The following LHFPL6 variants were observed in gnomAD, a reference collection of about 807,000 sequenced individuals.
LHFPL6 encodes LHFPL tetraspan subfamily member 6 protein.
A neutral mutation model predicts 20.6 loss-of-function variants in LHFPL6; 9 were observed. The observed-to-expected ratio is 0.44, with a 90% confidence interval of 0.26 to 0.76. The LOEUF is 0.76. LHFPL6 is among the 30% of genes least tolerant of loss of function. LHFPL6 has a pLI of 0.20. For synonymous variants in LHFPL6, 105 were observed against 98.7 expected (o/e 1.06, Z -0.38); for missense variants, 218 against 253.5 (o/e 0.86, Z 0.95).
chr13:39,532,700 C>T (rs1870501793), intron 2 of LHFPL6, among the ~76,000 whole-genome samples: 1 of 152,048 alleles, frequency 6.6e-6, no homozygotes, highest in African/African-American at 2.4e-5. Flanking sequence ...TAGTAAAATA[C>T]AATATAATTG....
chr13:39,503,648 A>G (rs1484264430), intron 2 of LHFPL6, among the ~76,000 whole-genome samples: 2 of 152,210 alleles, frequency 1.3e-5, no homozygotes, highest in African/African-American at 4.8e-5. Context: ...TAGGTGCTCA[A>G]TATTTGTTGA....
At chr13:39,407,212 A>T (rs1336423013) in intron 2 of LHFPL6, among the ~76,000 whole-genome samples, 1 of 152,084 alleles carries the variant, frequency 6.6e-6, no homozygotes, top group African/African-American at 2.4e-5. Flanking sequence ...CTGCCCATTT[A>T]AAAAAAATTC....
chr13:39,391,832 C>T (rs1207220291), intron 2 of LHFPL6, among the ~76,000 whole-genome samples: 1 of 152,104 alleles, frequency 6.6e-6, no homozygotes, highest in Non-Finnish European at 1.5e-5. Flanking sequence ...AGAACCTCAT[C>T]CATTTTCCTC....
At chr13:39,448,229 A>G (rs1180192192) in intron 2 of LHFPL6, among the ~76,000 whole-genome samples, 2 of 152,256 alleles carry the variant, frequency 1.3e-5, no homozygotes, top group East Asian at 3.8e-4. Flanking sequence ...ACTGTTATTC[A>G]GGGTACATTT....
At chr13:39,345,614 C>T (rs1371593401) in intron 3 of LHFPL6, among the ~76,000 whole-genome samples, 1 of 150,618 alleles carries the variant, frequency 6.6e-6, no homozygotes, top group Non-Finnish European at 1.5e-5. Flanking sequence ...AAGAGTGACA[C>T]TGAAGTGAAA....
At chr13:39,369,567 T>TTTCCTTCCTTCCTTCCTTCCTTCC (rs776843003) in intron 3 of LHFPL6, among the ~76,000 whole-genome samples, 3,686 of 27,900 alleles carry the variant, frequency 0.13, 341 homozygotes, top group Non-Finnish European at 0.14. Context: ...TCATAGTAGG[T>TTTCCTTCCTTCCTTCCTTCCTTCC]TTCCTTCCTT....
intron 2 of LHFPL6, among the ~76,000 whole-genome samples, chr13:39,409,676 A>T (rs1451697366): frequency 1.3e-5 from 2 of 152,130 alleles, no homozygotes; most frequent in Non-Finnish European, 2.9e-5. Flanking sequence ...CTTACTTCTT[A>T]TGTTTCCTAA....
chr13:39,526,510 C>T (rs1425578119), intron 2 of LHFPL6, among the ~76,000 whole-genome samples: 3 of 152,222 alleles, frequency 2.0e-5, no homozygotes, highest in South Asian at 2.1e-4. Context: ...AGTAAATCTA[C>T]ACCTAACAAA....
At chr13:39,518,209 G>C (rs1185444435) in intron 2 of LHFPL6, among the ~76,000 whole-genome samples, 2 of 152,078 alleles carry the variant, frequency 1.3e-5, no homozygotes, top group Non-Finnish European at 2.9e-5. Context: ...TCTCCCATTA[G>C]ATGTTTGTCT....
intron 2 of LHFPL6, among the ~76,000 whole-genome samples, chr13:39,538,317 T>C (rs1870691221): frequency 6.6e-6 from 1 of 151,392 alleles, no homozygotes. Context: ...AAATAATTTG[T>C]TGACTAAGCT....
At chr13:39,583,178 T>C (rs951656189) in intron 2 of LHFPL6, among the ~76,000 whole-genome samples, 1 of 149,096 alleles carries the variant, frequency 6.7e-6, no homozygotes, top group African/African-American at 2.5e-5. Context: ...TCTTTTTTTT[T>C]TTTTTTTTTT....
intron 2 of LHFPL6, among the ~76,000 whole-genome samples, chr13:39,505,268 T>G (rs1350492515): frequency 5.3e-5 from 8 of 152,170 alleles, no homozygotes; most frequent in Non-Finnish European, 1.2e-4. Flanking sequence ...ATTTCCACAT[T>G]CTAGAGAGCG....
chr13:39,352,909 A>AATGTATATATATG (rs1869616602), intron 3 of LHFPL6, among the ~76,000 whole-genome samples: 11 of 42,024 alleles, frequency 2.6e-4, no homozygotes, highest in African/African-American at 7.7e-4. Flanking sequence ...ATATATATAA[A>AATGTATATATATG]TGTATATATA....
intron 2 of LHFPL6, among the ~76,000 whole-genome samples, chr13:39,387,249 A>T (rs1870588024): frequency 6.6e-6 from 1 of 152,162 alleles, no homozygotes; most frequent in African/African-American, 2.4e-5. Flanking sequence ...ATATCGACTC[A>T]TAGTTATAGA....
At chr13:39,418,382 C>T (rs868705385) in intron 2 of LHFPL6, among the ~76,000 whole-genome samples, 688 of 129,614 alleles carry the variant, frequency 5.3e-3, no homozygotes, top group East Asian at 0.021. Flanking sequence ...TTTTTTTGGT[C>T]TTTTTTTTTT....
chr13:39,416,988 T>A (rs1871365900), intron 2 of LHFPL6, among the ~76,000 whole-genome samples: 1 of 152,242 alleles, frequency 6.6e-6, no homozygotes, highest in Non-Finnish European at 1.5e-5. Flanking sequence ...AAATGTCATC[T>A]GCAGATTTCT....
At chr13:39,506,846 G>A (rs1469204379) in intron 2 of LHFPL6, among the ~76,000 whole-genome samples, 2 of 152,130 alleles carry the variant, frequency 1.3e-5, no homozygotes, top group Non-Finnish European at 2.9e-5. Flanking sequence ...GTGAAGATAA[G>A]CTTTTAAATG....
At chr13:39,359,603 G>A (rs1869824795) in intron 3 of LHFPL6, among the ~76,000 whole-genome samples, 1 of 152,086 alleles carries the variant, frequency 6.6e-6, no homozygotes, top group African/African-American at 2.4e-5. Flanking sequence ...ACATAAAGAT[G>A]GGAACAATAG....
chr13:39,508,741 A>G (rs1869581096), intron 2 of LHFPL6, among the ~76,000 whole-genome samples: 1 of 152,184 alleles, frequency 6.6e-6, no homozygotes, highest in South Asian at 2.1e-4. Context: ...CTACTGATGG[A>G]CATCTTCATT....
Sources: gnomAD v4.1 joint callset for allele counts (sites outside exome capture counted in the v4.1 genomes callset) on GRCh38, gnomAD v4.1.1 for gene constraint, MANE v1.5 for transcripts, NCBI Gene and HGNC (gene_info 2026-07-23, HGNC 2026-07-21) for gene names.